The following DIAPH3 variants were observed in gnomAD, a reference collection of about 807,000 sequenced individuals.
DIAPH3 encodes protein diaphanous homolog 3.
Under a neutral mutation model 144.3 loss-of-function variants are expected in DIAPH3, and 117 were observed. That is an observed-to-expected ratio of 0.81 (90% CI 0.70 to 0.95). The LOEUF (loss-of-function observed/expected upper bound fraction) is 0.95. Ranked by LOEUF, DIAPH3 falls within the 40% of genes least tolerant of loss-of-function variation. DIAPH3 has a pLI of 0.00. For missense variants in DIAPH3, 1,421 were observed against 1,412.7 expected (o/e 1.01, Z -0.09); for synonymous variants, 519 against 488.9 (o/e 1.06, Z -0.81).
chr13:59,891,682 A>G (rs1408086508), intron 20 of DIAPH3, among the ~76,000 whole-genome samples: 35 of 152,178 alleles, frequency 2.3e-4, no homozygotes, highest in Non-Finnish European at 4.4e-5. Flanking sequence ...AATAAATTGC[A>G]GAAGCATTTA....
chr13:60,094,728 A>G (rs190622924), intron 3 of DIAPH3, among the ~76,000 whole-genome samples: 102 of 152,324 alleles, frequency 6.7e-4, no homozygotes, highest in Admixed American at 1.6e-3. Flanking sequence ...CAAACGCTGT[A>G]GTTTATGCCT....
intron 10 of DIAPH3, 142 bp from the exon 11 acceptor site, chr13:59,992,328 T>C: frequency 9.9e-7 from 1 of 1,005,524 alleles, no homozygotes; most frequent in Non-Finnish European, 1.5e-6. Flanking sequence ...CACTCGAATC[T>C]TATCATCTAT....
intron 27 of DIAPH3, among the ~76,000 whole-genome samples, chr13:59,697,183 G>A (rs984550931): frequency 6.6e-6 from 1 of 151,382 alleles, no homozygotes; most frequent in African/African-American, 2.4e-5. Flanking sequence ...TTCAGGGCCG[G>A]GCGCGGTGGC....
At chr13:60,005,258 T>C (rs2052783183) in intron 9 of DIAPH3, among the ~76,000 whole-genome samples, 1 of 152,076 alleles carries the variant, frequency 6.6e-6, no homozygotes, top group Admixed American at 6.5e-5. Context: ...ATCACAAAGA[T>C]CCACATAATG....
chr13:59,800,102 A>C (rs189333978), intron 25 of DIAPH3, among the ~76,000 whole-genome samples: 22 of 152,328 alleles, frequency 1.4e-4, no homozygotes, highest in Admixed American at 7.8e-4. Context: ...GGAGCAGGCT[A>C]AAAACATGCA....
intron 27 of DIAPH3, among the ~76,000 whole-genome samples, chr13:59,694,422 A>G (rs1419169148): frequency 6.6e-6 from 1 of 152,186 alleles, no homozygotes; most frequent in Non-Finnish European, 1.5e-5. Context: ...AAAGCTTTTC[A>G]TCCAAAGGTT....
chr13:59,744,154 AAAT>A (rs1219463462), intron 27 of DIAPH3, among the ~76,000 whole-genome samples: 3 of 152,214 alleles, frequency 2.0e-5, no homozygotes, highest in African/African-American at 7.2e-5. Context: ...CTTTTCAGTA[AAAT>A]AATAATAACC....
At chr13:59,721,675 T>C (rs2035352625) in intron 27 of DIAPH3, among the ~76,000 whole-genome samples, 1 of 152,172 alleles carries the variant, frequency 6.6e-6, no homozygotes, top group Non-Finnish European at 1.5e-5. Context: ...TTAGGATACT[T>C]TTCATTTTAT....
At chr13:59,726,911 G>A (rs2035627604) in intron 27 of DIAPH3, among the ~76,000 whole-genome samples, 2 of 152,140 alleles carry the variant, frequency 1.3e-5, no homozygotes, top group African/African-American at 4.8e-5. Context: ...GTAGAAATTA[G>A]ATGTTAGAAA....
chr13:60,144,067 C>T (rs1490174899), intron 1 of DIAPH3, among the ~76,000 whole-genome samples: 2 of 152,214 alleles, frequency 1.3e-5, no homozygotes, highest in South Asian at 2.1e-4. Context: ...TGTGTTTATA[C>T]CTCCTTTTCT....
chr13:60,034,396 T>A (rs1022315401), intron 5 of DIAPH3: 6 of 152,162 alleles, frequency 3.9e-5, no homozygotes, highest in Non-Finnish European at 2.9e-5. Flanking sequence ...CTTCTGTTGT[T>A]GTCTTTTAAA....
intron 9 of DIAPH3, among the ~76,000 whole-genome samples, chr13:60,000,317 A>C (rs1474033004): frequency 6.6e-6 from 1 of 152,188 alleles, no homozygotes; most frequent in Non-Finnish European, 1.5e-5. Flanking sequence ...GCCTGAAGAT[A>C]TAAGGGTTGC....
In DIAPH3 at chr13:59,887,643, A is replaced by T. The variant is rs1251934924; in HGVS notation, c.2368-8175T>A. Among the ~76,000 whole-genome samples, 3 of 152,120 alleles carry T rather than the reference A, an allele frequency of 2.0e-5. No homozygotes were observed. The East Asian group carries it at 5.8e-4, about 29-fold the overall frequency. On this transcript the variant is annotated intron_variant, in intron 20 of 27. Transcript: ENST00000400324. Reference sequence around the variant, plus strand: ...ATTCCCATATGGTCTACCTTGGTAAACATTTGATATGCGTTTAAAAATAAT... The same window carrying T: ...ATTCCCATATGGTCTACCTTGGTAATCATTTGATATGCGTTTAAAAATAAT...
At chr13:60,113,241 G>A (rs1380019554) in intron 2 of DIAPH3, among the ~76,000 whole-genome samples, 3 of 152,032 alleles carry the variant, frequency 2.0e-5, no homozygotes, top group Non-Finnish European at 2.9e-5. Flanking sequence ...AGCCACATGT[G>A]GCCAGCATAC....
intron 5 of DIAPH3, among the ~76,000 whole-genome samples, chr13:60,019,297 A>C (rs2053853159): frequency 6.6e-6 from 1 of 152,216 alleles, no homozygotes; most frequent in Non-Finnish European, 1.5e-5. Flanking sequence ...GCCTGTCAGC[A>C]CAGTACCATC....
At chr13:60,057,571 A>C (rs1292524876) in intron 4 of DIAPH3, among the ~76,000 whole-genome samples, 1 of 152,056 alleles carries the variant, frequency 6.6e-6, no homozygotes, top group Non-Finnish European at 1.5e-5. Context: ...GAACCAAAAA[A>C]GAGCCTGAAT....
intron 2 of DIAPH3, among the ~76,000 whole-genome samples, chr13:60,120,491 A>G (rs2058818503): frequency 6.6e-6 from 1 of 152,242 alleles, no homozygotes; most frequent in South Asian, 2.1e-4. Context: ...CTTTGAAAAG[A>G]CGAAAACTTA....
At chr13:59,918,679 C>G (rs1310218887) in intron 18 of DIAPH3, among the ~76,000 whole-genome samples, 2 of 152,262 alleles carry the variant, frequency 1.3e-5, no homozygotes, top group African/African-American at 4.8e-5. Flanking sequence ...ACCAGATGGT[C>G]TACTCAAAAA....
At chr13:59,944,209 G>C (rs1380577926) in intron 17 of DIAPH3, among the ~76,000 whole-genome samples, 2 of 148,704 alleles carry the variant, frequency 1.3e-5, no homozygotes, top group Non-Finnish European at 3.0e-5. Flanking sequence ...GCATGACACT[G>C]TCTCAAAAAA....
Sources: allele counts gnomAD v4.1 joint callset (sites outside exome capture counted in the v4.1 genomes callset), GRCh38; gene constraint gnomAD v4.1.1; transcripts MANE v1.5; gene names NCBI Gene and HGNC (gene_info 2026-07-23, HGNC 2026-07-21).